ADAM18: variants seen among roughly 807,000 people sequenced by gnomAD.
ADAM18 encodes the protein ADAM metallopeptidase domain 18, also known as disintegrin and metalloproteinase domain-containing protein 18.
ADAM18 carries 117 observed loss-of-function variants against 94.4 expected under a neutral mutation model. The observed-to-expected ratio is 1.24, with a 90% CI of 1.07 to 1.45. ADAM18 has a LOEUF of 1.45. Among genes scored for constraint, ADAM18 ranks in the 40% most tolerant of loss-of-function variants. ADAM18 has a pLI of 0.00. For synonymous variants in ADAM18, 327 were observed against 291.6 expected, an observed-to-expected ratio of 1.12 and a Z score of -1.24; for missense variants, 936 against 880.0, an observed-to-expected ratio of 1.06 and a Z score of -0.81.
chr8:39,640,741 T>A (rs144540122), intron 10 of ADAM18, among the ~76,000 whole-genome samples: 22 of 152,296 alleles, frequency 1.4e-4, no homozygotes, highest in African/African-American at 5.1e-4. Context: ...TAAGGTGCTA[T>A]CTCATTGTGG....
At chr8:39,728,567 G>T (rs1822985938) in intron 19 of ADAM18, among the ~76,000 whole-genome samples, 1 of 152,008 alleles carries the variant, frequency 6.6e-6, no homozygotes. Flanking sequence ...AGTCTTTAAG[G>T]TGTATAGGAC....
intron 6 of ADAM18, among the ~76,000 whole-genome samples, chr8:39,623,447 C>T (rs1391766585): frequency 2.0e-5 from 3 of 152,116 alleles, no homozygotes; most frequent in South Asian, 2.1e-4. Context: ...AGATTCCCAC[C>T]GGCAGTATGT....
At chr8:39,625,003 T>C (rs1351847798) in intron 6 of ADAM18, among the ~76,000 whole-genome samples, 2 of 152,244 alleles carry the variant, frequency 1.3e-5, no homozygotes, top group Non-Finnish European at 2.9e-5. Context: ...AATGGACTAA[T>C]AAAATTGCTT....
intron 6 of ADAM18, among the ~76,000 whole-genome samples, chr8:39,620,370 A>C (rs1233129735): frequency 4.5e-5 from 5 of 111,534 alleles, no homozygotes; most frequent in Non-Finnish European, 9.0e-5. Flanking sequence ...AAAAAAAAAA[A>C]AAAACAAAAA....
intron 12 of ADAM18, among the ~76,000 whole-genome samples, chr8:39,651,176 C>T (rs962336106): frequency 5.9e-5 from 9 of 152,198 alleles, no homozygotes; most frequent in African/African-American, 2.2e-4. Context: ...TATGTCTCAC[C>T]TCCAGCCCTA....
chr8:39,617,376 A>G (rs901971397), intron 6 of ADAM18, among the ~76,000 whole-genome samples: 1 of 152,204 alleles, frequency 6.6e-6, no homozygotes, highest in Admixed American at 6.5e-5. Context: ...AAAAGGGAAC[A>G]CTTGTGCACT....
chr8:39,617,596 A>G (rs1319524407), intron 6 of ADAM18, among the ~76,000 whole-genome samples: 3 of 152,358 alleles, frequency 2.0e-5, no homozygotes, highest in African/African-American at 7.2e-5. Flanking sequence ...CTAGATGTCC[A>G]TCAGTGATGG....
intron 2 of ADAM18, among the ~76,000 whole-genome samples, chr8:39,589,592 A>G (rs959707333): frequency 3.3e-5 from 5 of 151,932 alleles, no homozygotes; most frequent in African/African-American, 1.2e-4. Context: ...AAACATGTCA[A>G]TGATTGTGTA....
intron 14 of ADAM18, among the ~76,000 whole-genome samples, chr8:39,670,373 A>G (rs901962802): frequency 6.6e-6 from 1 of 151,716 alleles, no homozygotes; most frequent in Non-Finnish European, 1.5e-5. Flanking sequence ...TTCATTTCCC[A>G]TTTTCTCCTT....
chr8:39,669,569 G>T (rs1821095576), intron 14 of ADAM18, among the ~76,000 whole-genome samples: 1 of 147,822 alleles, frequency 6.8e-6, no homozygotes, highest in Non-Finnish European at 1.5e-5. Context: ...GTGGTGTTTG[G>T]TTTTTTGTCC....
chr8:39,589,754 A>T (rs1230687771), intron 2 of ADAM18, among the ~76,000 whole-genome samples: 1 of 152,100 alleles, frequency 6.6e-6, no homozygotes, highest in Non-Finnish European at 1.5e-5. Flanking sequence ...AGTACTCCTG[A>T]GTCATATTCT....
At chr8:39,633,706 G>A (rs1278497206) in intron 7 of ADAM18, among the ~76,000 whole-genome samples, 1 of 152,060 alleles carries the variant, frequency 6.6e-6, no homozygotes, top group Non-Finnish European at 1.5e-5. Context: ...TGTTCAGGAT[G>A]CTGCATGGCT....
chr8:39,696,022 G>A (rs1288322737), intron 17 of ADAM18, among the ~76,000 whole-genome samples: 1 of 151,296 alleles, frequency 6.6e-6, no homozygotes, highest in Non-Finnish European at 1.5e-5. Context: ...AACAATGCAA[G>A]CACAGGGGTT....
chr8:39,600,362 TACTG>T (rs1439293559), intron 2 of ADAM18, among the ~76,000 whole-genome samples: 14 of 152,236 alleles, frequency 9.2e-5, no homozygotes, highest in Admixed American at 3.3e-4. Context: ...ATATTTCTGA[TACTG>T]ATTTATATTT....
Position 39,584,685 on chromosome 8 carries a change from C to T in ADAM18, c.55+8C>T. 3 of 1,612,692 alleles carry T rather than the reference C, an allele frequency of 1.9e-6. 1 individual carries two copies. The South Asian group carries it at 3.3e-5, about 18-fold the overall frequency. On this transcript the variant is annotated splice_region_variant and intron_variant, in intron 1 of 19. Coordinates refer to ENST00000265707, the MANE Select transcript of ADAM18 (RefSeq NM_014237.3). The stretch of plus-strand genomic sequence containing the variant: ...GACTGCAAGCCCACGAAGGTAAGTC[C>T]ATGGGAGCCTCCCCTTTCTTCTTCG...
intron 18 of ADAM18, among the ~76,000 whole-genome samples, chr8:39,722,025 A>G (rs1822764297): frequency 6.6e-6 from 1 of 150,500 alleles, no homozygotes; most frequent in Non-Finnish European, 1.5e-5. Context: ...AGAACACATT[A>G]TATATATATG....
intron 14 of ADAM18, among the ~76,000 whole-genome samples, chr8:39,675,397 C>A (rs1821272017): frequency 6.6e-6 from 1 of 152,196 alleles, no homozygotes; most frequent in African/African-American, 2.4e-5. Flanking sequence ...GATACCCTTT[C>A]TTCCACTTAA....
At chr8:39,675,436 C>T (rs573041883) in intron 14 of ADAM18, among the ~76,000 whole-genome samples, 1 of 152,272 alleles carries the variant, frequency 6.6e-6, no homozygotes, top group African/African-American at 2.4e-5. Flanking sequence ...TTTGTGCATG[C>T]CTCACGAAGT....
chr8:39,631,370 G>C (rs1819926595), intron 7 of ADAM18, among the ~76,000 whole-genome samples: 1 of 151,714 alleles, frequency 6.6e-6, no homozygotes, highest in Non-Finnish European at 1.5e-5. Context: ...TGAGCAATGT[G>C]TACGCTGTGA....
Sources: gnomAD v4.1 joint callset for allele counts (sites outside exome capture counted in the v4.1 genomes callset) on GRCh38, gnomAD v4.1.1 for gene constraint, MANE v1.5 for transcripts, NCBI Gene and HGNC (gene_info 2026-07-23, HGNC 2026-07-21) for gene names.